DYNC1I2: variants seen among roughly 807,000 people sequenced by gnomAD.
DYNC1I2 encodes cytoplasmic dynein 1 intermediate chain 2.
A neutral mutation model predicts 88.6 loss-of-function variants in DYNC1I2; 53 were observed. The ratio of observed to expected loss-of-function variants is 0.60; its 90% CI spans 0.48 to 0.75. DYNC1I2 has a LOEUF of 0.75. DYNC1I2 is among the 30% of genes least tolerant of loss of function. The pLI, the probability that DYNC1I2 is intolerant of heterozygous loss-of-function variation, is 0.00. For synonymous variants in DYNC1I2, 198 were observed against 254.6 expected, an observed-to-expected ratio of 0.78 and a Z score of 2.12; for missense variants, 458 against 766.6, an observed-to-expected ratio of 0.60 and a Z score of 4.75.
rs1206268571 is a variant in DYNC1I2, at chr2:171,744,103, A to C, written c.1591A>C (p.Met531Leu). The change falls in exon 16 of 18, where the codon ATG becomes CTG. Residue 531 changes from methionine to leucine, a missense_variant. Met to Leu is a conservative substitution (Grantham distance 15, BLOSUM62 2). Coordinates refer to ENST00000397119, the MANE Select transcript of DYNC1I2 (RefSeq NM_001378.3). ...TAATGCAGACTATGTTTATGATGTT[A>C]TGTGGTCACCTACCCACCCAGCCCT... ...EDNADYVYDVMWSPTHPALFA... is the reference protein window; with the variant it reads ...EDNADYVYDVLWSPTHPALFA... 3 of 1,613,070 alleles carry C rather than the reference A, an allele frequency of 1.9e-6. No individual in the cohort carries two copies. The highest frequency in any genetic ancestry group is 2.5e-6 in the Non-Finnish European group (3 of 1,179,646).
Position 171,727,805 on chromosome 2 carries a change from TCTTA to T in DYNC1I2, c.997-11_997-8del, listed in dbSNP as rs1688347584. On this transcript the variant is annotated splice_polypyrimidine_tract_variant and intron_variant, in intron 11 of 17. Transcript: ENST00000397119. ...TCCATTTGAATCTCAAGTATAAAAA[TCTTA>T]CTTATTTGCAGTCAGCTGTGATGTC... The T allele has an allele frequency of 6.2e-7, 1 of 1,606,464 alleles. No homozygotes were observed. The highest frequency in any genetic ancestry group is 8.5e-7 in the Non-Finnish European group (1 of 1,177,164).
At chr2:171,707,891 A>G (rs529917557) in intron 5 of DYNC1I2, among the ~76,000 whole-genome samples, 5 of 152,334 alleles carry the variant, frequency 3.3e-5, no homozygotes, top group African/African-American at 1.2e-4. Flanking sequence ...AACATTGAGA[A>G]TGTTTACTGT....
At chr2:171,738,123 G>A (rs1272655047) in intron 15 of DYNC1I2, among the ~76,000 whole-genome samples, 1 of 152,114 alleles carries the variant, frequency 6.6e-6, no homozygotes, top group Non-Finnish European at 1.5e-5. Flanking sequence ...TCTGAGGTCA[G>A]GAGTTCGAGA....
chr2:171,749,093 T>C lies in DYNC1I2; in HGVS notation c.*1204T>C, dbSNP rs1689966182. On this transcript the variant is annotated 3_prime_UTR_variant, in exon 18 of 18. Coordinates refer to ENST00000397119, the MANE Select transcript of DYNC1I2 (RefSeq NM_001378.3). Reference sequence around the variant, plus strand: ...AGAAAACAGAATGTGAACATTTTTCTTTTAATAATTGTAACAAAGATTTGT... The same window carrying C: ...AGAAAACAGAATGTGAACATTTTTCCTTTAATAATTGTAACAAAGATTTGT... Among the ~76,000 whole-genome samples the C allele has an allele frequency of 2.0e-5, 3 of 152,180 alleles. No homozygotes were observed. The East Asian group carries it at 5.8e-4, about 29-fold the overall frequency.
At chr2:171,741,287 G>A (rs1024104707) in intron 15 of DYNC1I2, among the ~76,000 whole-genome samples, 4 of 152,012 alleles carry the variant, frequency 2.6e-5, no homozygotes, top group Admixed American at 2.0e-4. Flanking sequence ...TATTTCTCTC[G>A]GGTATATACC....
chr2:171,710,120 TATACACACACACACACACAC>T (rs1222612664), intron 5 of DYNC1I2, among the ~76,000 whole-genome samples: 130 of 95,772 alleles, frequency 1.4e-3, no homozygotes, highest in Middle Eastern at 5.1e-3. Flanking sequence ...TTTATGTATA[TATACACACACACACACACAC>T]ACACACACAC....
intron 3 of DYNC1I2, among the ~76,000 whole-genome samples, chr2:171,698,373 C>T (rs1275432289): frequency 6.6e-6 from 1 of 152,042 alleles, no homozygotes; most frequent in East Asian, 1.9e-4. Flanking sequence ...TGAGTTTTTG[C>T]ATGTATTTTA....
At chr2:171,731,238 G>A (rs956393305) in intron 15 of DYNC1I2, among the ~76,000 whole-genome samples, 2 of 152,174 alleles carry the variant, frequency 1.3e-5, no homozygotes, top group Admixed American at 6.5e-5. Context: ...GGTAGAAGAA[G>A]ATTCTCAAAG....
At chr2:171,706,763 G>T in intron 4 of DYNC1I2, 199 bp downstream of exon 4, 1 of 475,782 alleles carries the variant, frequency 2.1e-6, no homozygotes, top group Non-Finnish European at 3.7e-6. Flanking sequence ...TGGGGGGGAG[G>T]CAGTGAAATC....
chr2:171,701,779 A>G (rs2105510231), intron 3 of DYNC1I2, among the ~76,000 whole-genome samples: 1 of 152,336 alleles, frequency 6.6e-6, no homozygotes, highest in Non-Finnish European at 1.5e-5. Context: ...GTCATTTTAT[A>G]AATAGATTAT....
At chr2:171,691,533 A>G (rs1320671824) in intron 2 of DYNC1I2, among the ~76,000 whole-genome samples, 1 of 152,230 alleles carries the variant, frequency 6.6e-6, no homozygotes, top group Non-Finnish European at 1.5e-5. Flanking sequence ...CAGCATTACT[A>G]TGATGCTGTA....
At chr2:171,745,062 A>C (rs769431797) in intron 16 of DYNC1I2, among the ~76,000 whole-genome samples, 17 of 152,174 alleles carry the variant, frequency 1.1e-4, no homozygotes, top group Non-Finnish European at 2.1e-4. Context: ...TATGGGGTTA[A>C]ATTATTTGGG....
intron 6 of DYNC1I2, among the ~76,000 whole-genome samples, chr2:171,714,234 TA>T (rs1286810606): frequency 6.7e-6 from 1 of 149,182 alleles, no homozygotes; most frequent in Admixed American, 6.6e-5. Context: ...GAAAAGACAT[TA>T]AAAAATTGTT....
chr2:171,727,953 G>A lies in DYNC1I2; in HGVS notation c.1129G>A (p.Ala377Thr). Residue 377 changes from alanine to threonine, a missense_variant, in exon 12 of 18, where the codon GCA (alanine) becomes ACA (threonine). Ala to Thr is a moderately conservative substitution (Grantham distance 58). Around this residue, in one of 5 missense-constraint regions of DYNC1I2, gnomAD observed 203 missense variants for 354.2 expected, o/e 0.57. Transcript: ENST00000397119. Reference sequence around the variant, plus strand: ...TCCAGTGCAAAGAACTCCACTGTCAGCAGCTGCACACACAGTAAGTAAATA... The same window carrying A: ...TCCAGTGCAAAGAACTCCACTGTCAACAGCTGCACACACAGTAAGTAAATA... ...RTPVQRTPLS[A>T]AAHTHPVYCV... 1 of 1,612,916 alleles carries A rather than the reference G, an allele frequency of 6.2e-7. No homozygotes were observed. Among genetic ancestry groups the A allele is most frequent in the African/African-American group, 1.3e-5 (1 of 74,998 alleles).
chr2:171,745,631 A>G (rs1479361845), intron 16 of DYNC1I2, among the ~76,000 whole-genome samples, 171 bp from the exon 17 acceptor site: 1 of 152,228 alleles, frequency 6.6e-6, no homozygotes, highest in Non-Finnish European at 1.5e-5. Context: ...GATCGACTAT[A>G]ATGTCATTCA....
At chr2:171,715,548 G>A in intron 7 of DYNC1I2, 105 bp downstream of exon 7, 1 of 707,510 alleles carries the variant, frequency 1.4e-6, no homozygotes, top group East Asian at 2.8e-5. Flanking sequence ...TTGCTTTTGT[G>A]TTTTGGCATG....
intron 15 of DYNC1I2, among the ~76,000 whole-genome samples, chr2:171,734,157 G>T (rs1316986581): frequency 6.6e-6 from 1 of 151,986 alleles, no homozygotes; most frequent in African/African-American, 2.4e-5. Flanking sequence ...GTCTGTGTGT[G>T]AAAGAATCTT....
At chr2:171,706,960 A>C (rs917229768) in intron 4 of DYNC1I2, 4 of 465,804 alleles carry the variant, frequency 8.6e-6, no homozygotes, top group African/African-American at 8.1e-5. Context: ...GGGGAGAAGG[A>C]ATGCTCTCCT....
intron 2 of DYNC1I2, 90 bp downstream of exon 2, chr2:171,690,353 A>C: frequency 1.1e-6 from 1 of 929,074 alleles, no homozygotes; most frequent in Middle Eastern, 2.2e-4. Context: ...GTTGGTGCAA[A>C]AGTAATCGTG....
Sources: gnomAD v4.1 joint callset for allele counts (sites outside exome capture counted in the v4.1 genomes callset) on GRCh38, gnomAD v4.1.1 for gene constraint, gnomAD v4.1.1 regional missense constraint, MANE v1.5 for transcripts, NCBI Gene and HGNC (gene_info 2026-07-23, HGNC 2026-07-21) for gene names.